The following STRBP variants were observed in gnomAD, a reference collection of about 807,000 sequenced individuals.
STRBP encodes spermatid perinuclear RNA binding protein, also known as spermatid perinuclear RNA-binding protein.
A neutral mutation model predicts 80.1 loss-of-function variants in STRBP; 13 were observed. That is an observed-to-expected ratio of 0.16 (90% CI 0.11 to 0.26). The LOEUF (loss-of-function observed/expected upper bound fraction) is 0.26, where lower values mean the gene tolerates loss of function less well. Ranked by LOEUF, STRBP falls within the 10% of genes least tolerant of loss-of-function variation. The probability of loss-of-function intolerance (pLI) is 1.00; values close to 1 mark genes in which losing one functional copy is unlikely to be tolerated. For missense variants in STRBP, 485 were observed against 815.2 expected (o/e 0.59, Z 4.93); for synonymous variants, 284 against 291.2 (o/e 0.98, Z 0.25).
chr9:123,152,013 G>A (rs1034259244), intron 11 of STRBP, among the ~76,000 whole-genome samples: 2 of 152,044 alleles, frequency 1.3e-5, no homozygotes, highest in Non-Finnish European at 2.9e-5. Context: ...ACAATAAAAT[G>A]AGGATCTTAT....
intron 4 of STRBP, among the ~76,000 whole-genome samples, chr9:123,175,358 A>AAAGAATCAGCAGAGTTGGGC (rs1391575256): frequency 3.9e-5 from 6 of 152,234 alleles, no homozygotes; most frequent in African/African-American, 4.8e-5. Context: ...AGCTATAAGC[A>AAAGAATCAGCAGAGTTGGGC]AAGAATCAGC....
chr9:123,226,358 T>C (rs1396265009), intron 2 of STRBP, among the ~76,000 whole-genome samples: 1 of 152,174 alleles, frequency 6.6e-6, no homozygotes, highest in East Asian at 1.9e-4. Flanking sequence ...TTTTACTATA[T>C]TCAAAGTATA....
At chr9:123,219,760 T>A (rs1472666100) in intron 2 of STRBP, among the ~76,000 whole-genome samples, 1 of 152,216 alleles carries the variant, frequency 6.6e-6, no homozygotes, top group Non-Finnish European at 1.5e-5. Flanking sequence ...CCAGAGTTTT[T>A]ATTCTCATCT....
chr9:123,195,030 T>C (rs2039046170), intron 2 of STRBP, among the ~76,000 whole-genome samples: 1 of 152,200 alleles, frequency 6.6e-6, no homozygotes, highest in Non-Finnish European at 1.5e-5. Flanking sequence ...CAAATTCATA[T>C]GGACCTGAGT....
At chr9:123,181,800 C>CAAAAAA (rs56785428) in intron 3 of STRBP, among the ~76,000 whole-genome samples, 1 of 25,762 alleles carries the variant, frequency 3.9e-5, no homozygotes, top group African/African-American at 1.8e-4. Context: ...AACTTCGTCT[C>CAAAAAA]AAAAAAAAAA....
At chr9:123,254,456 CAAAAA>C (rs1205708821) in intron 1 of STRBP, among the ~76,000 whole-genome samples, 11 of 65,738 alleles carry the variant, frequency 1.7e-4, no homozygotes, top group Non-Finnish European at 9.0e-5. Flanking sequence ...GACTCCGTCT[CAAAAA>C]AAAAAAAAAA....
chr9:123,200,734 A>ATTTTTATTTTTTTTTT (rs2039290663), intron 2 of STRBP, among the ~76,000 whole-genome samples: 1 of 37,512 alleles, frequency 2.7e-5, no homozygotes, highest in Non-Finnish European at 4.2e-5. Context: ...CACCCCGCTA[A>ATTTTTATTTTTTTTTT]TTTTTTTTTT....
intron 2 of STRBP, among the ~76,000 whole-genome samples, chr9:123,207,447 T>C (rs1168124603): frequency 6.6e-6 from 1 of 152,160 alleles, no homozygotes; most frequent in Non-Finnish European, 1.5e-5. Flanking sequence ...TGAAAAAACA[T>C]AAGATAATGT....
In STRBP at chr9:123,226,138, G is replaced by A. The variant is rs1026401334; in HGVS notation, c.-165+10692C>T. ...ACATGCAATTACACAGATGCATCTC[G>A]AAAGCACAGAGGCTAAATGAAAGAG... On this transcript the variant is annotated intron_variant, in intron 2 of 18. Transcript: ENST00000348403. Among the ~76,000 whole-genome samples the A allele has an allele frequency of 2.0e-5, 3 of 152,104 alleles. No individual in the cohort carries two copies. The South Asian group carries it at 6.2e-4, about 32-fold the overall frequency.
intron 13 of STRBP, among the ~76,000 whole-genome samples, chr9:123,144,285 T>C (rs2036719971): frequency 6.6e-6 from 1 of 152,170 alleles, no homozygotes; most frequent in South Asian, 2.1e-4. Flanking sequence ...TCACCATTCC[T>C]TATCTGAAAC....
At position 123,128,280 on chromosome 9, in the gene STRBP, C is replaced by T. The variant is rs763908169; in HGVS notation, c.1898-22G>A. The T allele has an allele frequency of 1.2e-5, 19 of 1,613,956 alleles. 1 individual carries two copies. Among genetic ancestry groups the T allele is most frequent in the Non-Finnish European group, 1.2e-5 (14 of 1,179,990 alleles). ...TAGCCTAGTGCAAAGAAGAAGAAGG[C>T]AGATCAGTCCAAGACCCAGGGCAAT... On this transcript the variant is annotated intron_variant, in intron 17 of 18. Coordinates refer to ENST00000348403, the MANE Select transcript of STRBP (RefSeq NM_018387.5).
At chr9:123,214,953 T>C (rs2039845154) in intron 2 of STRBP, among the ~76,000 whole-genome samples, 1 of 152,334 alleles carries the variant, frequency 6.6e-6, no homozygotes, top group Non-Finnish European at 1.5e-5. Flanking sequence ...TTTTTGCTCC[T>C]CTTGTTAATA....
intron 1 of STRBP, among the ~76,000 whole-genome samples, chr9:123,250,980 TA>T (rs1438543891): frequency 6.6e-6 from 1 of 151,992 alleles, no homozygotes; most frequent in Non-Finnish European, 1.5e-5. Flanking sequence ...AATTTTTTTT[TA>T]ATTAGCCAGG....
chr9:123,135,989 A>T (rs1415478651), intron 16 of STRBP, 52 bp downstream of exon 16: 2 of 1,592,320 alleles, frequency 1.3e-6, no homozygotes, highest in Non-Finnish European at 1.7e-6. Flanking sequence ...AGAAAATTTA[A>T]TTCCTCTAAC....
intron 1 of STRBP, among the ~76,000 whole-genome samples, chr9:123,239,552 T>C (rs188583143): frequency 1.1e-4 from 16 of 152,280 alleles, no homozygotes; most frequent in African/African-American, 3.1e-4. Context: ...GCACAGAACG[T>C]CTTGCATTTT....
chr9:123,130,446 G>C (rs2036087501), intron 17 of STRBP, among the ~76,000 whole-genome samples: 1 of 152,096 alleles, frequency 6.6e-6, no homozygotes. Context: ...CTGGCAACGA[G>C]TGGCCATAAA....
chr9:123,261,526 G>A (rs1417411958), intron 1 of STRBP, among the ~76,000 whole-genome samples: 1 of 152,108 alleles, frequency 6.6e-6, no homozygotes, highest in African/African-American at 2.4e-5. Context: ...AGAAATAAAG[G>A]AACAATAATA....
intron 3 of STRBP, 138 bp from the exon 4 acceptor site, chr9:123,179,365 C>G: frequency 1.4e-6 from 1 of 695,762 alleles, no homozygotes; most frequent in Non-Finnish European, 2.3e-6. Flanking sequence ...CAAGAAAAAA[C>G]TGCTCCAGCG....
chr9:123,130,734 C>T (rs571003340), intron 17 of STRBP, among the ~76,000 whole-genome samples: 8 of 152,268 alleles, frequency 5.3e-5, no homozygotes, highest in African/African-American at 1.7e-4. Flanking sequence ...TAAACTATGT[C>T]ACACCATAAG....
Sources: allele counts gnomAD v4.1 joint callset (sites outside exome capture counted in the v4.1 genomes callset), GRCh38; gene constraint gnomAD v4.1.1; transcripts MANE v1.5; gene names NCBI Gene and HGNC (gene_info 2026-07-23, HGNC 2026-07-21).